CYP46A1: variants seen among roughly 807,000 people sequenced by gnomAD.
The protein encoded by CYP46A1 is cytochrome P450 family 46 subfamily A member 1.
CYP46A1 carries 20 observed loss-of-function variants against 63.3 expected under a neutral mutation model. That is an observed-to-expected ratio of 0.32 (90% CI 0.22 to 0.46). The LOEUF (loss-of-function observed/expected upper bound fraction) is 0.46, where lower values mean the gene tolerates loss of function less well. Among genes scored for constraint, CYP46A1 ranks in the 20% least tolerant of loss-of-function variants. CYP46A1 has a pLI of 1.00. For missense variants in CYP46A1, 445 were observed against 670.8 expected (o/e 0.66, Z 3.72); for synonymous variants, 268 against 273.6 (o/e 0.98, Z 0.20).
intron 3 of CYP46A1, chr14:99,695,327 A>C (rs2056578110): frequency 1.1e-5 from 3 of 263,572 alleles, no homozygotes; most frequent in African/African-American, 6.9e-5. Flanking sequence ...GTGTTATTCA[A>C]ATCTTTTAAA....
rs775438353 is a variant in CYP46A1, at chr14:99,716,215, G to T, written c.907+16G>T. 11 of 1,613,784 alleles carry T rather than the reference G, an allele frequency of 6.8e-6. No individual in the cohort carries two copies. Among genetic ancestry groups the T allele is most frequent in the African/African-American group, 2.7e-5 (2 of 75,050 alleles). The stretch of plus-strand genomic sequence containing the variant: ...TTCATTGCTGGTTTGTAGCTTTGGC[G>T]GTGGCCAAGGGCCCGGAGCTCTGCA... On this transcript the variant is annotated intron_variant, in intron 9 of 14. Transcript: ENST00000261835.
In CYP46A1 at chr14:99,725,534, C is replaced by G. The variant is rs2056888104; in HGVS notation, c.1265+55C>G. 2.0e-5 allele frequency: 27 copies of G among 1,379,714 alleles called. No individual in the cohort carries two copies. Among genetic ancestry groups the G allele is most frequent in the Non-Finnish European group, 2.8e-5 (27 of 967,844 alleles). 85.5% of individuals were successfully genotyped at this position (1,379,714 alleles called of 1,614,324 possible). On this transcript the variant is annotated intron_variant, in intron 13 of 14. Transcript: ENST00000261835. The surrounding 1 kb of genome is among the most constrained non-coding windows in gnomAD (Gnocchi z 4.2). ...GGGGCTGGCGGGAGAAGGACAGACA[C>G]AGCGGCCTCTGGTCTGAGCCAGAGG...
chr14:99,699,911 G>C, intron 4 of CYP46A1, 104 bp from the exon 5 acceptor site: 1 of 815,910 alleles, frequency 1.2e-6, no homozygotes, highest in South Asian at 1.7e-5. Flanking sequence ...CCACCGCCTA[G>C]CTCCAATACC....
At chr14:99,718,870 A>T (rs2056817565) in intron 10 of CYP46A1, among the ~76,000 whole-genome samples, 1 of 152,182 alleles carries the variant, frequency 6.6e-6, no homozygotes, top group South Asian at 2.1e-4. Flanking sequence ...TCGTATAAAA[A>T]TTTTGGGAAA....
At chr14:99,711,402 A>T (rs538376624) in intron 7 of CYP46A1, 74 of 152,178 alleles carry the variant, frequency 4.9e-4, no homozygotes, top group African/African-American at 1.8e-3. Flanking sequence ...AAGCCAAGAA[A>T]AAAAAGAAGA....
At chr14:99,708,287 C>T (rs551295850) in intron 7 of CYP46A1, 79 of 132,636 alleles carry the variant, frequency 6.0e-4, no homozygotes, top group African/African-American at 2.5e-3. Flanking sequence ...GCATCATCCA[C>T]GGGCCTGAGG....
chr14:99,724,578 G>A (rs1190538633), intron 12 of CYP46A1, among the ~76,000 whole-genome samples: 1 of 152,202 alleles, frequency 6.6e-6, no homozygotes, highest in Non-Finnish European at 1.5e-5. Context: ...GCTCCTGGCT[G>A]GCTGGGTCAT....
chr14:99,696,574 G>A (rs1247696753), intron 3 of CYP46A1, among the ~76,000 whole-genome samples: 1 of 152,096 alleles, frequency 6.6e-6, no homozygotes, highest in African/African-American at 2.4e-5. Context: ...GTCAGCAATT[G>A]ATTATGATCT....
chr14:99,716,053 G>GGA, intron 8 of CYP46A1, 84 bp from the exon 9 acceptor site: 1 of 1,610,886 alleles, frequency 6.2e-7, no homozygotes, highest in African/African-American at 1.3e-5. Context: ...TGGCTTAAGA[G>GGA]GAGAAACACA....
intron 9 of CYP46A1, among the ~76,000 whole-genome samples, chr14:99,716,819 G>T (rs2056794814): frequency 6.6e-6 from 1 of 152,224 alleles, no homozygotes; most frequent in Admixed American, 6.5e-5. Flanking sequence ...CAGTGTGGTA[G>T]GGAATCCCAT....
At chr14:99,684,668 G>C (rs1287607208) in intron 1 of CYP46A1, 132 bp downstream of exon 1, 2 of 731,774 alleles carry the variant, frequency 2.7e-6, no homozygotes, top group East Asian at 2.9e-5. Context: ...CGGCGGCCCC[G>C]AGAGGGGCGC....
chr14:99,699,932 C>T (rs2056616180), intron 4 of CYP46A1, 83 bp from the exon 5 acceptor site: 1 of 1,018,866 alleles, frequency 9.8e-7, no homozygotes, highest in Admixed American at 2.1e-5. Flanking sequence ...GTTTCCTCAT[C>T]CCAAAATATG....
At chr14:99,699,964 C>CGGG in intron 4 of CYP46A1, 51 bp from the exon 5 acceptor site, 1 of 773,852 alleles carries the variant, frequency 1.3e-6, no homozygotes, top group Non-Finnish European at 2.1e-6. Flanking sequence ...ATCAAGCAGT[C>CGGG]GCTCCCCACC....
At position 99,705,010 on chromosome 14, in the gene CYP46A1, C is replaced by T. The variant is rs145079609; in HGVS notation, c.444-1637C>T. Reference sequence around the variant, plus strand: ...AGGCAATGTTATAGGTGGAGGTCAGCGAGAAGCAGACTCCAGCTCTTAAGC... The same window carrying T: ...AGGCAATGTTATAGGTGGAGGTCAGTGAGAAGCAGACTCCAGCTCTTAAGC... On this transcript the variant is annotated intron_variant, in intron 5 of 14. Coordinates refer to ENST00000261835, the MANE Select transcript of CYP46A1 (RefSeq NM_006668.2). Among the ~76,000 whole-genome samples, 685 of 152,256 alleles carry T rather than the reference C, an allele frequency of 4.5e-3. 6 individuals are homozygous for T. Among genetic ancestry groups the T allele is most frequent in the South Asian group, 0.024 (117 of 4,820 alleles).
In CYP46A1 at chr14:99,691,079, A is replaced by G; in HGVS notation, c.120-2A>G. On this transcript the variant is annotated splice_acceptor_variant, in intron 1 of 14. Coordinates refer to ENST00000261835, the MANE Select transcript of CYP46A1 (RefSeq NM_006668.2). LOFTEE classifies it high-confidence loss of function. ...AAGCCTAATGTTTCCTGTTTCTTCTAGTTTCCTTCTAGGACACCTCCCCTG... is the reference window on the plus strand; with the variant it reads ...AAGCCTAATGTTTCCTGTTTCTTCTGGTTTCCTTCTAGGACACCTCCCCTG... 6.2e-7 allele frequency: 1 copy of G among 1,613,950 alleles called. No individual in the cohort carries two copies. The highest frequency in any genetic ancestry group is 8.5e-7 in the Non-Finnish European group (1 of 1,179,926).
intron 7 of CYP46A1, 30 bp downstream of exon 7, chr14:99,707,708 A>G (rs2056691279): frequency 6.3e-7 from 1 of 1,579,240 alleles, no homozygotes; most frequent in Non-Finnish European, 8.7e-7. Context: ...TCTGGTGACC[A>G]GCCACCAGAG....
chr14:99,726,834 C>A lies in CYP46A1; in HGVS notation c.*107C>A, dbSNP rs1050547079. 4.1e-6 allele frequency: 4 copies of A among 965,166 alleles called. No individual in the cohort carries two copies. Among genetic ancestry groups the A allele is most frequent in the Non-Finnish European group, 5.8e-6 (4 of 694,258 alleles). 59.8% of individuals were successfully genotyped at this position (965,166 alleles called of 1,614,324 possible). A position where few individuals can be genotyped will look rare whatever the true frequency, so the allele number is the denominator to read the frequency against. On this transcript the variant is annotated 3_prime_UTR_variant, in exon 15 of 15. Coordinates refer to ENST00000261835, the MANE Select transcript of CYP46A1 (RefSeq NM_006668.2). ...CCCCTGCCCCGTCCCCTGGGCCACC[C>A]TTCACGCTGGCTTCCAGCGGGCCCT... is the stretch of plus-strand genomic sequence containing the variant.
intron 3 of CYP46A1, among the ~76,000 whole-genome samples, 176 bp from the exon 4 acceptor site, chr14:99,699,290 C>G (rs539018768): frequency 6.6e-6 from 1 of 152,228 alleles, no homozygotes; most frequent in East Asian, 1.9e-4. Flanking sequence ...TTTCCCCATC[C>G]CCACACAGCT....
intron 1 of CYP46A1, chr14:99,684,833 A>G: frequency 2.0e-6 from 1 of 501,304 alleles, no homozygotes; most frequent in Non-Finnish European, 3.9e-6. Context: ...AGGCGCTCAG[A>G]GGCGAAGTCA....
Sources: gnomAD v4.1 joint callset for allele counts (sites outside exome capture counted in the v4.1 genomes callset) on GRCh38, gnomAD v4.1.1 for gene constraint, Gnocchi (gnomAD v3.1) non-coding constraint, MANE v1.5 for transcripts, NCBI Gene and HGNC (gene_info 2026-07-23, HGNC 2026-07-21) for gene names.